STK33: variants seen among roughly 807,000 people sequenced by gnomAD.
STK33 encodes serine/threonine kinase 33, also known as serine/threonine-protein kinase 33.
In STK33, 52 loss-of-function variants were observed where a neutral mutation model predicts 58.0. That is an observed-to-expected ratio of 0.90 (90% CI 0.72 to 1.13). The LOEUF (loss-of-function observed/expected upper bound fraction) is 1.13. Among genes scored for constraint, STK33 ranks in the 50% most tolerant of loss-of-function variants. STK33 has a pLI of 0.00. For missense variants in STK33, 630 were observed against 604.2 expected (o/e 1.04, Z -0.45); for synonymous variants, 215 against 200.1 (o/e 1.07, Z -0.63).
At chr11:8,551,137 T>C (rs1324758707) in intron 1 of STK33, among the ~76,000 whole-genome samples, 2 of 152,210 alleles carry the variant, frequency 1.3e-5, no homozygotes, top group Non-Finnish European at 2.9e-5. Context: ...CTGAATAATT[T>C]TTTTTTTTTG....
At chr11:8,532,857 C>T (rs1390616146) in intron 1 of STK33, among the ~76,000 whole-genome samples, 1 of 152,166 alleles carries the variant, frequency 6.6e-6, no homozygotes, top group Non-Finnish European at 1.5e-5. Context: ...GAATGTAATG[C>T]ACCCATTTTT....
the STK33 span, among the ~76,000 whole-genome samples, chr11:8,345,589 G>A: frequency 6.6e-6 from 1 of 152,330 alleles, no homozygotes; most frequent in African/African-American, 2.4e-5. Flanking sequence ...GTAGGGGAAC[G>A]TGGCTCCTCC....
At chr11:8,488,447 C>T (rs1950340264) in intron 1 of STK33, among the ~76,000 whole-genome samples, 1 of 151,804 alleles carries the variant, frequency 6.6e-6, no homozygotes, top group Non-Finnish European at 1.5e-5. Flanking sequence ...CTCTGGCTGA[C>T]CTGGAAGCTC....
chr11:8,534,619 T>C (rs1334447414), intron 1 of STK33, among the ~76,000 whole-genome samples: 2 of 149,612 alleles, frequency 1.3e-5, no homozygotes, highest in South Asian at 4.3e-4. Flanking sequence ...AATTTTTTCA[T>C]ACTGAGGTGG....
chr11:8,432,152 C>T (rs1943499655), intron 14 of STK33, among the ~76,000 whole-genome samples: 1 of 152,192 alleles, frequency 6.6e-6, no homozygotes, highest in Non-Finnish European at 1.5e-5. Context: ...ATCATTAAAG[C>T]TCAAACTACA....
intron 5 of STK33, among the ~76,000 whole-genome samples, chr11:8,474,036 A>C (rs1322851941): frequency 6.6e-6 from 1 of 152,130 alleles, no homozygotes; most frequent in Non-Finnish European, 1.5e-5. Context: ...TTAGCTGGGC[A>C]TGGTGGTGCA....
At chr11:8,547,301 G>A (rs557157586) in intron 1 of STK33, among the ~76,000 whole-genome samples, 14 of 152,228 alleles carry the variant, frequency 9.2e-5, no homozygotes, top group African/African-American at 2.2e-4. Flanking sequence ...TGAAACCTCC[G>A]CCTCCCGGGT....
chr11:8,491,265 G>C (rs1158259121), intron 1 of STK33, among the ~76,000 whole-genome samples: 57 of 152,190 alleles, frequency 3.7e-4, no homozygotes, highest in Admixed American at 3.7e-3. Flanking sequence ...TGATGGAGCT[G>C]AAAACCATGG....
intron 1 of STK33, among the ~76,000 whole-genome samples, chr11:8,546,058 G>T (rs1033504390): frequency 6.6e-6 from 1 of 152,034 alleles, no homozygotes; most frequent in African/African-American, 2.4e-5. Flanking sequence ...ACATAGAAAA[G>T]GTATAGTAAA....
intron 1 of STK33, among the ~76,000 whole-genome samples, chr11:8,533,953 G>A (rs1954754852): frequency 6.6e-6 from 1 of 152,134 alleles, no homozygotes; most frequent in Admixed American, 6.5e-5. Flanking sequence ...GAAGCATTCA[G>A]AACTACAGAG....
At chr11:8,527,705 A>C (rs1954173057) in intron 1 of STK33, among the ~76,000 whole-genome samples, 1 of 151,644 alleles carries the variant, frequency 6.6e-6, no homozygotes, top group Admixed American at 6.6e-5. Context: ...ATTATATCTA[A>C]GAAGAAGTTT....
At chr11:8,579,405 C>A (rs1256232057) in intron 1 of STK33, among the ~76,000 whole-genome samples, 2 of 151,886 alleles carry the variant, frequency 1.3e-5, no homozygotes, top group African/African-American at 2.4e-5. Flanking sequence ...TAGTTCAATT[C>A]CTAGAATAAG....
chr11:8,375,324 G>A, the STK33 span, among the ~76,000 whole-genome samples: 2 of 152,278 alleles, frequency 1.3e-5, no homozygotes, highest in South Asian at 4.1e-4. Context: ...ATCCATATGG[G>A]TTGAAATGGG....
chr11:8,437,836 AT>A (rs1258668708), intron 12 of STK33, among the ~76,000 whole-genome samples: 1 of 152,132 alleles, frequency 6.6e-6, no homozygotes, highest in Non-Finnish European at 1.5e-5. Flanking sequence ...CTTACTAAGT[AT>A]TTATCAGTAT....
intron 13 of STK33, among the ~76,000 whole-genome samples, 157 bp from the exon 14 acceptor site, chr11:8,435,736 A>C (rs1182534024): frequency 1.3e-5 from 2 of 152,214 alleles, no homozygotes; most frequent in African/African-American, 4.8e-5. Flanking sequence ...TATAGTTTAA[A>C]GCCTAAAGTG....
intron 1 of STK33, among the ~76,000 whole-genome samples, chr11:8,575,305 T>A (rs1341102012): frequency 6.6e-6 from 1 of 152,104 alleles, no homozygotes; most frequent in East Asian, 1.9e-4. Flanking sequence ...ACAGCAACAG[T>A]CACTCACTGC....
intron 12 of STK33, among the ~76,000 whole-genome samples, chr11:8,438,782 T>C (rs2136334292): frequency 6.6e-6 from 1 of 152,310 alleles, no homozygotes; most frequent in East Asian, 1.9e-4. Context: ...CTAGAAAGTC[T>C]TCAGAGTATA....
Position 8,392,253 on chromosome 11 carries a change from C to T in STK33, c.*257G>A, listed in dbSNP as rs1188165779. 2.4e-5 allele frequency: 12 copies of T among 493,946 alleles called. No homozygotes were observed. The Middle Eastern group carries it at 2.1e-3, about 86-fold the overall frequency. 30.6% of individuals were successfully genotyped at this position (493,946 alleles called of 1,614,324 possible). On this transcript the variant is annotated 3_prime_UTR_variant, in exon 16 of 16. Transcript: ENST00000687296. ...GGTATCTGCCCCCCTAAAAAACCTTCGTGTACATCTTGAGTTGATTTCCAC... is the reference window on the plus strand; with the variant it reads ...GGTATCTGCCCCCCTAAAAAACCTTTGTGTACATCTTGAGTTGATTTCCAC...
chr11:8,435,102 T>C (rs1451470831), intron 14 of STK33, among the ~76,000 whole-genome samples: 1 of 152,178 alleles, frequency 6.6e-6, no homozygotes. Flanking sequence ...TCATGGCTTT[T>C]CTGAGTCCCC....
Sources: gnomAD v4.1 joint callset for allele counts (sites outside exome capture counted in the v4.1 genomes callset) on GRCh38, gnomAD v4.1.1 for gene constraint, MANE v1.5 for transcripts, NCBI Gene and HGNC (gene_info 2026-07-23, HGNC 2026-07-21) for gene names.